Variants in ADGRE5 observed in about 807,000 individuals in gnomAD.
ADGRE5 encodes the protein adhesion G protein-coupled receptor E5, also known as CD97 molecule.
ADGRE5 carries 72 observed loss-of-function variants against 100.3 expected under a neutral mutation model. That is an observed-to-expected ratio of 0.72 (90% CI 0.59 to 0.87). ADGRE5 has a LOEUF of 0.87. Among genes scored for constraint, ADGRE5 ranks in the 40% least tolerant of loss-of-function variants. The pLI is 0.00. For synonymous variants in ADGRE5, 439 were observed against 447.8 expected (o/e 0.98, Z 0.25); for missense variants, 959 against 1,094.7 (o/e 0.88, Z 1.75).
At chr19:14,384,980 TTTC>T (rs1975287801) in intron 1 of ADGRE5, among the ~76,000 whole-genome samples, 2 of 148,304 alleles carry the variant, frequency 1.3e-5, no homozygotes, top group African/African-American at 5.0e-5. Flanking sequence ...TTTTCTTTTC[TTTC>T]TTTTTTTTTT....
At chr19:14,403,361 A>G (rs1976091501) in intron 12 of ADGRE5, among the ~76,000 whole-genome samples, 1 of 144,000 alleles carries the variant, frequency 6.9e-6, no homozygotes. Context: ...TTATTTATTT[A>G]TATTTTTAGA....
In ADGRE5 at chr19:14,402,815, C is replaced by T; in HGVS notation, c.1402C>T (p.His468Tyr). The T allele has an allele frequency of 1.9e-6, 3 of 1,614,096 alleles. No homozygotes were observed. Among genetic ancestry groups the T allele is most frequent in the Non-Finnish European group, 1.7e-6 (2 of 1,180,012 alleles). The stretch of plus-strand genomic sequence containing the variant: ...CTCCCCCATCCTTTTCGCCTTCTCC[C>T]ACCTTGAGTCCTCCGATGGGGAGGC... Reference protein sequence around the residue: ...LNSPILFAFSHLESSDGEAGR... With the variant: ...LNSPILFAFSYLESSDGEAGR... The change falls in exon 12 of 20, where the codon CAC becomes TAC. Residue 468 changes from histidine (H) to tyrosine (Y), a missense_variant. Transcript: ENST00000242786.
At chr19:14,386,378 CAAAAAA>C (rs747651350) in intron 1 of ADGRE5, 43 of 13,632 alleles carry the variant, frequency 3.2e-3, no homozygotes, top group African/African-American at 8.1e-3. Flanking sequence ...GACTCCATCT[CAAAAAA>C]AAAAAAAAAA....
intron 1 of ADGRE5, among the ~76,000 whole-genome samples, chr19:14,386,176 G>A (rs1047644476): frequency 2.7e-5 from 4 of 149,950 alleles, no homozygotes; most frequent in Admixed American, 2.7e-4. Context: ...TCAGGAGATC[G>A]AAACCATCCT....
At position 14,381,642 on chromosome 19, in the gene ADGRE5, G is replaced by A. The variant is rs1599604956; in HGVS notation, c.22+97G>A. 5.0e-6 allele frequency: 7 copies of A among 1,401,438 alleles called. No homozygotes were observed. The East Asian group carries it at 7.4e-5, about 15-fold the overall frequency. 86.8% of individuals were successfully genotyped at this position (1,401,438 alleles called of 1,614,324 possible). A position where few individuals can be genotyped will look rare whatever the true frequency, so the allele number is the denominator to read the frequency against. On this transcript the variant is annotated intron_variant, in intron 1 of 19. Transcript: ENST00000242786. ...CGGGAGGCGCCGCTGGTGTCTGTGGGGCCTGCGATAGAGGAAGCCACATGG... is the reference window on the plus strand; with the variant it reads ...CGGGAGGCGCCGCTGGTGTCTGTGGAGCCTGCGATAGAGGAAGCCACATGG...
At chr19:14,392,810 C>T (rs555168393) in intron 4 of ADGRE5, among the ~76,000 whole-genome samples, 2 of 150,744 alleles carry the variant, frequency 1.3e-5, no homozygotes, top group Admixed American at 6.7e-5. Flanking sequence ...GGCTAAAGCA[C>T]GAGAATCGCT....
chr19:14,406,075 C>T lies in ADGRE5; in HGVS notation c.1821+136C>T. ...GGCCCCGCCCCTGTCCGGGATCTGGCCCCGCCCACCGGGGGGTCGGGTTGT... is the reference window on the plus strand; with the variant it reads ...GGCCCCGCCCCTGTCCGGGATCTGGTCCCGCCCACCGGGGGGTCGGGTTGT... On this transcript the variant is annotated intron_variant, in intron 14 of 19. Transcript: ENST00000242786. The surrounding 1 kb of genome is among the most constrained non-coding windows in gnomAD (Gnocchi z 6.0). 3 of 795,398 alleles carry T rather than the reference C, an allele frequency of 3.8e-6. No homozygotes were observed. The highest frequency in any genetic ancestry group is 5.8e-6 in the Non-Finnish European group (3 of 515,334). 49.3% of individuals were successfully genotyped at this position (795,398 alleles called of 1,614,324 possible).
At chr19:14,395,284 G>C (rs1975733703) in intron 4 of ADGRE5, among the ~76,000 whole-genome samples, 1 of 145,088 alleles carries the variant, frequency 6.9e-6, no homozygotes, top group African/African-American at 2.6e-5. Flanking sequence ...CTGGGCAACA[G>C]AGAGAGACGC....
At chr19:14,403,342 T>C (rs925367418) in intron 12 of ADGRE5, among the ~76,000 whole-genome samples, 6 of 151,480 alleles carry the variant, frequency 4.0e-5, no homozygotes, top group African/African-American at 1.5e-4. Flanking sequence ...ACTCCCAGAC[T>C]TTCTTTTCTT....
At chr19:14,397,050 G>A (rs1975805244) in intron 5 of ADGRE5, 27 bp from the exon 6 acceptor site, 5 of 1,600,550 alleles carry the variant, frequency 3.1e-6, no homozygotes, top group East Asian at 2.2e-5. Flanking sequence ...TCAGGGACAG[G>A]GTTTGACCCT....
At chr19:14,393,971 T>C (rs1975689359) in intron 4 of ADGRE5, among the ~76,000 whole-genome samples, 1 of 152,210 alleles carries the variant, frequency 6.6e-6, no homozygotes, top group Non-Finnish European at 1.5e-5. Flanking sequence ...GCCCAATACC[T>C]GTGCAGTGAG....
In ADGRE5 at chr19:14,402,621, C is replaced by G; in HGVS notation, c.1208C>G (p.Ser403Cys). The change falls in exon 12 of 20, where the codon TCC becomes TGC. Residue 403 changes from serine (S) to cysteine (C), a missense_variant. Ser to Cys is a moderately radical substitution (Grantham distance 112, BLOSUM62 -1). Coordinates refer to ENST00000242786, the MANE Select transcript of ADGRE5 (RefSeq NM_078481.4). ...GGCCCCGCCGTGGCGGGCATCCTCT[C>G]CATCCAGAACATGACGACATTGCTG... ...DPGPAVAGILSIQNMTTLLAN... is the reference protein window; with the variant it reads ...DPGPAVAGILCIQNMTTLLAN... 1 of 1,614,070 alleles carries G rather than the reference C, an allele frequency of 6.2e-7. No individual in the cohort carries two copies. The highest frequency in any genetic ancestry group is 8.5e-7 in the Non-Finnish European group (1 of 1,180,006).
intron 1 of ADGRE5, chr19:14,386,369 A>G (rs528461807): frequency 1.7e-5 from 2 of 119,470 alleles, no homozygotes; most frequent in South Asian, 5.3e-4. Context: ...ACAGAGCAAG[A>G]CTCCATCTCA....
chr19:14,401,811 T>C lies in ADGRE5; in HGVS notation c.1183+51T>C. The C allele has an allele frequency of 7.9e-7, 1 of 1,265,974 alleles. No individual in the cohort carries two copies. Among genetic ancestry groups the C allele is most frequent in the Non-Finnish European group, 1.1e-6 (1 of 912,994 alleles). 78.4% of individuals were successfully genotyped at this position (1,265,974 alleles called of 1,614,324 possible). On this transcript the variant is annotated intron_variant, in intron 11 of 19. Coordinates refer to ENST00000242786, the MANE Select transcript of ADGRE5 (RefSeq NM_078481.4). The surrounding 1 kb of genome is among the most constrained non-coding windows in gnomAD (Gnocchi z 4.1). ...GCCCGTGGGAGAGAGATGGAGGTGC[T>C]GGGATGGGGCCAGGGTGAGGTTCAG...
rs956208084 is a variant in ADGRE5 at position 14,407,925 on chromosome 19, G to T, written c.2394G>T (p.Arg798=). ...GCCGGCAGGTTCGGGAAGAATACCG[G>T]AAGTGGGCCTGCCTAGTTGCTGGGG... ...LLNKKVREEY[R]KWACLVAGGS... Residue 798 remains arginine, a synonymous_variant, in exon 19 of 20, where the codon CGG becomes CGT. Transcript: ENST00000242786. 1.2e-6 allele frequency: 2 copies of T among 1,613,994 alleles called. No individual in the cohort carries two copies. The highest frequency in any genetic ancestry group is 1.3e-5 in the African/African-American group (1 of 74,922).
chr19:14,404,371 A>G lies in ADGRE5; in HGVS notation c.1450-12A>G. 1.2e-6 allele frequency: 2 copies of G among 1,602,872 alleles called. No individual in the cohort carries two copies. The highest frequency in any genetic ancestry group is 1.7e-6 in the Non-Finnish European group (2 of 1,175,978). ...CAGGCCAACCTTTCTGACCACCCCC[A>G]TCTGCCCACAGGACGTGATGCCTGG... On this transcript the variant is annotated splice_polypyrimidine_tract_variant and intron_variant, in intron 12 of 19. Transcript: ENST00000242786.
Position 14,408,510 on chromosome 19 carries a change from G to C in ADGRE5, c.*389G>C, listed in dbSNP as rs1175087274. 4.3e-6 allele frequency: 2 copies of C among 466,880 alleles called. No homozygotes were observed. The highest frequency in any genetic ancestry group is 1.9e-5 in the African/African-American group (1 of 51,884). The allele number at this position is 466,880 out of a possible 1,614,324, so 28.9% of individuals were successfully genotyped here. On this transcript the variant is annotated 3_prime_UTR_variant, in exon 20 of 20. Coordinates refer to ENST00000242786, the MANE Select transcript of ADGRE5 (RefSeq NM_078481.4). Reference sequence around the variant, plus strand: ...CAGAACTGAAGAGACTAGGCGCTGGGGCTCAGCTTCCCTCTTAAGCTAAGA... The same window carrying C: ...CAGAACTGAAGAGACTAGGCGCTGGCGCTCAGCTTCCCTCTTAAGCTAAGA...
intron 9 of ADGRE5, among the ~76,000 whole-genome samples, chr19:14,398,624 G>A (rs1000998444): frequency 5.5e-5 from 8 of 146,690 alleles, no homozygotes; most frequent in South Asian, 2.1e-4. Context: ...GCAGTGAGCC[G>A]AGGTCGTGCA....
rs759817850 is a variant in ADGRE5 at position 14,402,716 on chromosome 19, C to T, written c.1303C>T (p.Arg435Cys). 8.6e-5 allele frequency: 139 copies of T among 1,614,042 alleles called. No homozygotes were observed. Among genetic ancestry groups the T allele is most frequent in the African/African-American group, 1.7e-4 (13 of 74,916 alleles). The part of the protein sequence containing the change: ...ELEEIYESSI[R>C]GVQLRRLSAV... ...GGAGGAGATATATGAAAGCAGCATC[C>T]GTGGTGTCCAACTCAGACGCCTCTC... The change falls in exon 12 of 20, where the codon CGT (arginine) becomes TGT (cysteine). Residue 435 changes from arginine (R) to cysteine (C), a missense_variant. Arg to Cys is a radical substitution (Grantham distance 180, BLOSUM62 -3). This residue lies in a region of ADGRE5 where 246 missense variants were observed against 242.2 expected (regional missense o/e 1.02). Coordinates refer to ENST00000242786, the MANE Select transcript of ADGRE5 (RefSeq NM_078481.4).
Sources: allele counts gnomAD v4.1 joint callset (sites outside exome capture counted in the v4.1 genomes callset), GRCh38; gene constraint gnomAD v4.1.1; regional missense constraint gnomAD v4.1.1; non-coding constraint Gnocchi (gnomAD v3.1); transcripts MANE v1.5; gene names NCBI Gene and HGNC (gene_info 2026-07-23, HGNC 2026-07-21).